NCAM2: variants seen among roughly 807,000 people sequenced by gnomAD.
The protein encoded by NCAM2 is N-CAM-2.
NCAM2 carries 30 observed loss-of-function variants against 98.1 expected under a neutral mutation model. That is an observed-to-expected ratio of 0.31 (90% CI 0.23 to 0.41). NCAM2 has a LOEUF of 0.41. Ranked by LOEUF, NCAM2 falls within the 10% of genes least tolerant of loss-of-function variation. NCAM2 has a pLI of 1.00. For missense variants in NCAM2, 867 were observed against 1,005.8 expected (o/e 0.86, Z 1.87); for synonymous variants, 368 against 342.4 (o/e 1.07, Z -0.83).
At chr21:21,387,927 G>A (rs1386207897) in intron 9 of NCAM2, among the ~76,000 whole-genome samples, 1 of 152,150 alleles carries the variant, frequency 6.6e-6, no homozygotes, top group African/African-American at 2.4e-5. Context: ...ACATCAGTCA[G>A]CTTGCCATAA....
intron 1 of NCAM2, among the ~76,000 whole-genome samples, chr21:21,095,452 ATCTT>A (rs1339437020): frequency 2.0e-5 from 3 of 150,940 alleles, no homozygotes; most frequent in Admixed American, 6.6e-5. Flanking sequence ...CTAGCTACCT[ATCTT>A]TCTATCTAAA....
At chr21:21,067,226 G>A (rs2065459897) in intron 1 of NCAM2, among the ~76,000 whole-genome samples, 2 of 151,670 alleles carry the variant, frequency 1.3e-5, no homozygotes, top group Admixed American at 6.6e-5. Context: ...TTTAAAGCTG[G>A]CATGAGAGAG....
intron 13 of NCAM2, among the ~76,000 whole-genome samples, chr21:21,468,207 C>T (rs902920413): frequency 2.0e-5 from 3 of 152,006 alleles, no homozygotes; most frequent in African/African-American, 4.8e-5. Flanking sequence ...TATTAAAGCA[C>T]ATTTACTAAT....
intron 1 of NCAM2, among the ~76,000 whole-genome samples, chr21:21,001,415 A>C (rs1450536993): frequency 6.6e-6 from 1 of 152,218 alleles, no homozygotes; most frequent in Admixed American, 6.5e-5. Context: ...TGTCAATGAA[A>C]GAAAATGCTG....
intron 9 of NCAM2, among the ~76,000 whole-genome samples, chr21:21,391,110 C>T (rs530136844): frequency 4.6e-5 from 7 of 152,266 alleles, no homozygotes; most frequent in Non-Finnish European, 2.9e-5. Context: ...CACACCTCCT[C>T]AGGAGGCTGA....
chr21:21,338,337 G>A, intron 7 of NCAM2, 52 bp from the exon 8 acceptor site: 4 of 1,533,224 alleles, frequency 2.6e-6, no homozygotes, highest in Non-Finnish European at 3.6e-6. Flanking sequence ...TTTTGTCTGA[G>A]AAGTAATATT....
intron 1 of NCAM2, among the ~76,000 whole-genome samples, chr21:21,026,456 C>T (rs185070473): frequency 3.3e-5 from 5 of 151,940 alleles, no homozygotes; most frequent in Admixed American, 1.3e-4. Context: ...GTCGGGAGTT[C>T]GAGACTAAAA....
chr21:21,101,353 T>A (rs2100024592), intron 1 of NCAM2, among the ~76,000 whole-genome samples: 1 of 152,052 alleles, frequency 6.6e-6, no homozygotes, highest in Admixed American at 6.6e-5. Context: ...TATATTACAT[T>A]TCATTTATGT....
intron 2 of NCAM2, among the ~76,000 whole-genome samples, chr21:21,281,236 T>C (rs2072918352): frequency 6.6e-6 from 1 of 152,198 alleles, no homozygotes; most frequent in African/African-American, 2.4e-5. Context: ...GCATTATATC[T>C]GATAATAACT....
At chr21:21,341,820 A>C (rs2075047043) in intron 8 of NCAM2, among the ~76,000 whole-genome samples, 1 of 151,956 alleles carries the variant, frequency 6.6e-6, no homozygotes, top group East Asian at 1.9e-4. Flanking sequence ...TACTGAGCTC[A>C]ATAATTAGAT....
rs555212087 is a variant in NCAM2 at position 21,284,690 on chromosome 21, T to C, written c.337+290T>C. 7.6e-4 allele frequency among the ~76,000 whole-genome samples: 115 copies of C among 151,806 alleles called. 1 individual carries two copies. Among genetic ancestry groups the C allele is most frequent in the Non-Finnish European group, 1.3e-3 (85 of 67,780 alleles). On this transcript the variant is annotated intron_variant, in intron 3 of 17. Transcript: ENST00000400546. The stretch of plus-strand genomic sequence containing the variant: ...ATATAGAGAATAGTGGTTTATTTAG[T>C]GGTATGATATTTATTCAGCATTTTT...
chr21:21,076,877 G>A (rs959426765), intron 1 of NCAM2, among the ~76,000 whole-genome samples: 7 of 152,158 alleles, frequency 4.6e-5, no homozygotes, highest in Non-Finnish European at 7.4e-5. Flanking sequence ...ACCAGGAAGG[G>A]TAGTAGAATT....
intron 5 of NCAM2, among the ~76,000 whole-genome samples, chr21:21,309,466 GA>G (rs2073979524): frequency 6.6e-6 from 1 of 152,162 alleles, no homozygotes; most frequent in Non-Finnish European, 1.5e-5. Flanking sequence ...CATGCATTAG[GA>G]GTTGATTTTA....
intron 1 of NCAM2, among the ~76,000 whole-genome samples, chr21:21,003,876 G>A (rs1179818807): frequency 1.3e-5 from 2 of 152,106 alleles, no homozygotes; most frequent in Non-Finnish European, 1.5e-5. Flanking sequence ...TCCAGGGGGC[G>A]TCACTTATTG....
At chr21:21,287,452 C>G (rs1392593070) in intron 4 of NCAM2, among the ~76,000 whole-genome samples, 2 of 151,824 alleles carry the variant, frequency 1.3e-5, no homozygotes, top group Admixed American at 6.6e-5. Flanking sequence ...TCCTCTTGTT[C>G]TGTTTCAGCA....
chr21:21,119,972 T>C (rs2066638213), intron 1 of NCAM2, among the ~76,000 whole-genome samples: 1 of 152,190 alleles, frequency 6.6e-6, no homozygotes, highest in Admixed American at 6.5e-5. Flanking sequence ...TGAACCCACA[T>C]TGGTCCCTAA....
chr21:21,486,174 G>T (rs1430808381), intron 15 of NCAM2, among the ~76,000 whole-genome samples: 2 of 151,628 alleles, frequency 1.3e-5, no homozygotes, highest in Non-Finnish European at 2.9e-5. Context: ...CGTGGTGGCG[G>T]GCGCCTGTAG....
intron 1 of NCAM2, among the ~76,000 whole-genome samples, chr21:21,033,647 G>A (rs895808731): frequency 3.9e-5 from 6 of 152,258 alleles, no homozygotes; most frequent in African/African-American, 1.4e-4. Context: ...GGGGAGGTAA[G>A]TATGTGAAGC....
intron 4 of NCAM2, among the ~76,000 whole-genome samples, chr21:21,289,011 ATTATAC>A (rs1450090904): frequency 6.6e-6 from 1 of 151,894 alleles, no homozygotes; most frequent in Admixed American, 6.6e-5. Flanking sequence ...GTGACATTTT[ATTATAC>A]AAGTTGAATA....
Sources: gnomAD v4.1 joint callset for allele counts (sites outside exome capture counted in the v4.1 genomes callset) on GRCh38, gnomAD v4.1.1 for gene constraint, MANE v1.5 for transcripts, NCBI Gene and HGNC (gene_info 2026-07-23, HGNC 2026-07-21) for gene names.